Variants in UNC13A observed in about 807,000 individuals in gnomAD.
UNC13A encodes the protein unc-13 homolog A, also known as protein unc-13 homolog A.
A neutral mutation model predicts 219.7 loss-of-function variants in UNC13A; 61 were observed. The observed-to-expected ratio is 0.28, with a 90% CI of 0.23 to 0.34. The LOEUF is 0.34. UNC13A is among the 10% of genes least tolerant of loss of function. The pLI is 1.00. For missense variants in UNC13A, 1,476 were observed against 2,270.3 expected (o/e 0.65, Z 7.11); for synonymous variants, 920 against 884.6 (o/e 1.04, Z -0.71).
At chr19:17,629,164 C>T (rs1251652456) in intron 31 of UNC13A, 76 bp downstream of exon 31, 4 of 1,293,056 alleles carry the variant, frequency 3.1e-6, no homozygotes, top group African/African-American at 1.5e-5. Flanking sequence ...GGTGTCAGGG[C>T]CCTGGGGAGA....
chr19:17,649,412 G>T lies in UNC13A; in HGVS notation c.1519-68C>A. The T allele has an allele frequency of 1.9e-6, 3 of 1,613,288 alleles. No individual in the cohort carries two copies. The highest frequency in any genetic ancestry group is 1.7e-6 in the Non-Finnish European group (2 of 1,179,684). ...ATTAGTCTCAGAGAATGCCTAGCTG[G>T]CCCCCAACCCCAGGTTGACCATGGG... On this transcript the variant is annotated intron_variant, in intron 13 of 43. Coordinates refer to ENST00000519716, the MANE Select transcript of UNC13A (RefSeq NM_001080421.3). This position sits in a 1 kb window ranked among gnomAD's most constrained non-coding sequence, Gnocchi z 4.4.
chr19:17,644,523 GTTTTT>G (rs57314065), intron 19 of UNC13A, among the ~76,000 whole-genome samples: 2 of 99,150 alleles, frequency 2.0e-5, no homozygotes, highest in Non-Finnish European at 1.9e-5. Context: ...TTTTTCTTTT[GTTTTT>G]TTTTTTTTTT....
intron 41 of UNC13A, chr19:17,616,335 C>T: frequency 3.0e-6 from 2 of 665,556 alleles, no homozygotes; most frequent in Non-Finnish European, 5.5e-6. Context: ...GATCCTTTTA[C>T]TAGCCGGGGC....
At chr19:17,685,500 G>C (rs888481267) in intron 1 of UNC13A, among the ~76,000 whole-genome samples, 7 of 152,102 alleles carry the variant, frequency 4.6e-5, no homozygotes, top group African/African-American at 1.7e-4. Flanking sequence ...CGCTCGGCTG[G>C]ACATGGGTGG....
chr19:17,658,746 G>A (rs189498632), intron 8 of UNC13A, among the ~76,000 whole-genome samples: 14 of 152,242 alleles, frequency 9.2e-5, no homozygotes, highest in South Asian at 2.1e-4. Context: ...TGAGGGTGAC[G>A]ACCCCAGACC....
intron 25 of UNC13A, among the ~76,000 whole-genome samples, chr19:17,636,854 C>T (rs1046228813): frequency 3.3e-5 from 5 of 152,166 alleles, no homozygotes; most frequent in Non-Finnish European, 7.3e-5. Context: ...TTCATCCTAA[C>T]TCAAGACAAT....
intron 41 of UNC13A, 88 bp from the exon 42 acceptor site, chr19:17,611,943 G>A: frequency 8.5e-7 from 1 of 1,179,176 alleles, no homozygotes; most frequent in Non-Finnish European, 1.2e-6. Flanking sequence ...ACCCACCTGT[G>A]CTGGCGGCAC....
intron 41 of UNC13A, among the ~76,000 whole-genome samples, chr19:17,612,720 T>C (rs984176552): frequency 5.9e-5 from 9 of 152,046 alleles, no homozygotes; most frequent in African/African-American, 2.2e-4. Flanking sequence ...GGGGCGTGCT[T>C]GTAGCCCCAG....
chr19:17,663,666 C>G lies in UNC13A; in HGVS notation c.524-99G>C, dbSNP rs940689143. 4.7e-5 allele frequency: 61 copies of G among 1,305,194 alleles called. No individual in the cohort carries two copies. The African/African-American group carries it at 7.6e-4, about 16-fold the overall frequency. The allele number at this position is 1,305,194 out of a possible 1,614,324, so 80.9% of individuals were successfully genotyped here. On this transcript the variant is annotated intron_variant, in intron 7 of 43. Transcript: ENST00000519716. Reference sequence around the variant, plus strand: ...TGTCCTCACTCTCCCCAACTGCTCCCCCCACCCCAAAAGTCCCTCTTGTCC... The same window carrying G: ...TGTCCTCACTCTCCCCAACTGCTCCGCCCACCCCAAAAGTCCCTCTTGTCC...
chr19:17,625,478 A>ACCAAT (rs910688030), intron 34 of UNC13A, among the ~76,000 whole-genome samples: 2 of 151,996 alleles, frequency 1.3e-5, no homozygotes, highest in Non-Finnish European at 2.9e-5. Flanking sequence ...CCAGTCACCC[A>ACCAAT]CCAATCCATC....
At chr19:17,608,224 ATATAC>A (rs1298574554) in intron 43 of UNC13A, among the ~76,000 whole-genome samples, 1 of 143,396 alleles carries the variant, frequency 7.0e-6, no homozygotes, top group East Asian at 2.0e-4. Context: ...TATTTTTTGT[ATATAC>A]TATATTATAT....
Position 17,652,621 on chromosome 19 carries a change from C to A in UNC13A, c.1439+10G>T. 1 of 1,613,864 alleles carries A rather than the reference C, an allele frequency of 6.2e-7. No homozygotes were observed. Reference sequence around the variant, plus strand: ...ATCTTCCTCCCACCGCTCACAGTTTCATTACTTACCCGCCTTTGAACCATA... The same window carrying A: ...ATCTTCCTCCCACCGCTCACAGTTTAATTACTTACCCGCCTTTGAACCATA... On this transcript the variant is annotated intron_variant, in intron 12 of 43. Coordinates refer to ENST00000519716, the MANE Select transcript of UNC13A (RefSeq NM_001080421.3).
At chr19:17,688,124 C>T (rs1380697926) in intron 1 of UNC13A, 54 bp downstream of exon 1, 23 of 1,518,838 alleles carry the variant, frequency 1.5e-5, no homozygotes, top group Non-Finnish European at 2.0e-5. Context: ...CACGCGGACC[C>T]CGACCCCAGC....
In UNC13A at chr19:17,621,874, C is replaced by T; in HGVS notation, c.4204-4G>A. 5 of 1,613,964 alleles carry T rather than the reference C, an allele frequency of 3.1e-6. No individual in the cohort carries two copies. Among genetic ancestry groups the T allele is most frequent in the Non-Finnish European group, 4.2e-6 (5 of 1,179,878 alleles). ...CATGTTTTCTCAAGAGGTTCCCCTG[C>T]AGAGATAATGTCACAGGGTGATCAA... On this transcript the variant is annotated splice_region_variant and splice_polypyrimidine_tract_variant and intron_variant, in intron 36 of 43. Transcript: ENST00000519716.
chr19:17,624,168 A>G (rs1363189257), intron 35 of UNC13A, among the ~76,000 whole-genome samples: 1 of 140,522 alleles, frequency 7.1e-6, no homozygotes, highest in Non-Finnish European at 1.5e-5. Context: ...TCTGTTGCCC[A>G]GGCTGGAGTG....
rs2079300215 is a variant in UNC13A at position 17,649,282 on chromosome 19, T to G, written c.1524+57A>C. 2 of 1,547,526 alleles carry G rather than the reference T, an allele frequency of 1.3e-6. No homozygotes were observed. Among genetic ancestry groups the G allele is most frequent in the South Asian group, 2.4e-5 (2 of 84,874 alleles). ...CATGAATTGGGGGCCTGTTAGAAGA[T>G]CCCAGTGGGGGAGTTTGGGGAGAAG... On this transcript the variant is annotated intron_variant, in intron 14 of 43. Transcript: ENST00000519716. This position sits in a 1 kb window ranked among gnomAD's most constrained non-coding sequence, Gnocchi z 4.4.
chr19:17,642,209 AATCT>A (rs1189845508), intron 20 of UNC13A, among the ~76,000 whole-genome samples: 1 of 152,088 alleles, frequency 6.6e-6, no homozygotes, highest in Non-Finnish European at 1.5e-5. Flanking sequence ...TCTATCCAGC[AATCT>A]ATCTATCCAC....
intron 1 of UNC13A, chr19:17,676,267 G>C: frequency 1.5e-6 from 1 of 661,940 alleles, no homozygotes; most frequent in Non-Finnish European, 2.8e-6. Flanking sequence ...GGAAAGAGGA[G>C]GCAGGGATGA....
chr19:17,666,515 A>T, intron 7 of UNC13A, 135 bp downstream of exon 7: 1 of 602,648 alleles, frequency 1.7e-6, no homozygotes, highest in Non-Finnish European at 2.6e-6. Context: ...CTGATTTCTA[A>T]TACACTGTAA....
Sources: allele counts gnomAD v4.1 joint callset (sites outside exome capture counted in the v4.1 genomes callset), GRCh38; gene constraint gnomAD v4.1.1; non-coding constraint Gnocchi (gnomAD v3.1); transcripts MANE v1.5; gene names NCBI Gene and HGNC (gene_info 2026-07-23, HGNC 2026-07-21).